Variants in SLIT2 observed in about 807,000 individuals in gnomAD.
SLIT2 encodes slit guidance ligand 2.
Under a neutral mutation model 185.7 loss-of-function variants are expected in SLIT2, and 41 were observed. The ratio of observed to expected loss-of-function variants is 0.22; its 90% CI spans 0.17 to 0.29. The LOEUF (loss-of-function observed/expected upper bound fraction) is 0.29, where lower values mean the gene tolerates loss of function less well. Among genes scored for constraint, SLIT2 ranks in the 10% least tolerant of loss-of-function variants. The pLI, the probability that SLIT2 is intolerant of heterozygous loss-of-function variation, is 1.00. For synonymous variants in SLIT2, 693 were observed against 680.2 expected, an observed-to-expected ratio of 1.02 and a Z score of -0.29; for missense variants, 1,571 against 1,909.0, an observed-to-expected ratio of 0.82 and a Z score of 3.30.
intron 18 of SLIT2, among the ~76,000 whole-genome samples, chr4:20,536,771 C>T (rs1220825891): frequency 7.4e-6 from 1 of 135,284 alleles, no homozygotes; most frequent in Non-Finnish European, 1.7e-5. Flanking sequence ...AATTTTTTTA[C>T]TCTTATATTT....
intron 4 of SLIT2, among the ~76,000 whole-genome samples, chr4:20,417,887 T>C (rs982000897): frequency 6.6e-6 from 1 of 152,198 alleles, no homozygotes; most frequent in African/African-American, 2.4e-5. Flanking sequence ...CACTTCTTCT[T>C]GTGGCCCTTA....
chr4:20,261,319 A>G (rs767315049), intron 3 of SLIT2, among the ~76,000 whole-genome samples: 7 of 151,952 alleles, frequency 4.6e-5, no homozygotes, highest in Non-Finnish European at 1.0e-4. Flanking sequence ...AATAAGCTGC[A>G]GTAAGAATCA....
At chr4:20,543,324 C>T (rs1032318544) in intron 21 of SLIT2, among the ~76,000 whole-genome samples, 12 of 152,076 alleles carry the variant, frequency 7.9e-5, no homozygotes, top group East Asian at 1.9e-4. Context: ...GCACTGCCCA[C>T]GCTCCCTTGG....
intron 4 of SLIT2, among the ~76,000 whole-genome samples, chr4:20,318,145 T>G (rs1357224852): frequency 1.3e-5 from 2 of 152,162 alleles, no homozygotes; most frequent in African/African-American, 2.4e-5. Flanking sequence ...GAAAGCTTTG[T>G]TTCTGCAATA....
At chr4:20,404,333 G>A (rs1726598082) in intron 4 of SLIT2, among the ~76,000 whole-genome samples, 1 of 151,994 alleles carries the variant, frequency 6.6e-6, no homozygotes, top group African/African-American at 2.4e-5. Flanking sequence ...TAGCCTGAGA[G>A]TAGGGGAAGA....
At chr4:20,523,698 A>T (rs972445861) in intron 12 of SLIT2, 62 bp from the exon 13 acceptor site, 11 of 1,463,980 alleles carry the variant, frequency 7.5e-6, no homozygotes, top group Non-Finnish European at 1.0e-5. Context: ...AAAAAGCACA[A>T]AATCTTGCAG....
chr4:20,408,687 A>G (rs1034971133), intron 4 of SLIT2, among the ~76,000 whole-genome samples: 3 of 152,118 alleles, frequency 2.0e-5, no homozygotes, highest in Non-Finnish European at 4.4e-5. Context: ...CCCAGCTTCT[A>G]TCGCTCTAAT....
intron 4 of SLIT2, among the ~76,000 whole-genome samples, chr4:20,293,718 G>C (rs946401995): frequency 1.3e-5 from 2 of 152,122 alleles, no homozygotes; most frequent in Non-Finnish European, 2.9e-5. Flanking sequence ...GAATAAGAAG[G>C]ATAATACACC....
chr4:20,267,426 A>G (rs147876468), intron 3 of SLIT2, among the ~76,000 whole-genome samples: 2 of 151,926 alleles, frequency 1.3e-5, no homozygotes, highest in South Asian at 2.1e-4. Flanking sequence ...TAGATGATCA[A>G]CTTCTTTCTG....
chr4:20,388,540 G>A (rs187900745), intron 4 of SLIT2, among the ~76,000 whole-genome samples: 4 of 152,038 alleles, frequency 2.6e-5, no homozygotes, highest in Non-Finnish European at 4.4e-5. Context: ...TTGGGAGGCC[G>A]AGGCATGTGG....
At chr4:20,290,031 T>C (rs143119174) in intron 4 of SLIT2, among the ~76,000 whole-genome samples, 3 of 152,314 alleles carry the variant, frequency 2.0e-5, no homozygotes, top group African/African-American at 7.2e-5. Flanking sequence ...ACATGCAGAT[T>C]CTTTAGCCTG....
At chr4:20,278,952 C>G (rs1480432324) in intron 4 of SLIT2, among the ~76,000 whole-genome samples, 1 of 152,070 alleles carries the variant, frequency 6.6e-6, no homozygotes, top group Non-Finnish European at 1.5e-5. Context: ...TTCTTTTATA[C>G]TAAGGAAGTC....
intron 30 of SLIT2, among the ~76,000 whole-genome samples, chr4:20,592,617 T>G (rs1320269741): frequency 4.6e-5 from 7 of 152,184 alleles, no homozygotes; most frequent in Non-Finnish European, 1.0e-4. Context: ...GGTGGATGTG[T>G]TGTTCTCTTA....
intron 30 of SLIT2, among the ~76,000 whole-genome samples, chr4:20,595,254 T>C (rs1727880710): frequency 6.6e-6 from 1 of 152,186 alleles, no homozygotes; most frequent in Admixed American, 6.6e-5. Context: ...AAATTAAAAA[T>C]GTTAATCTTT....
At chr4:20,577,227 A>G (rs1395005961) in intron 29 of SLIT2, among the ~76,000 whole-genome samples, 1 of 152,196 alleles carries the variant, frequency 6.6e-6, no homozygotes, top group Non-Finnish European at 1.5e-5. Context: ...ACTAGTTTGT[A>G]AGTAAAGAAA....
At chr4:20,594,265 ATATG>A (rs1005225655) in intron 30 of SLIT2, among the ~76,000 whole-genome samples, 2 of 150,470 alleles carry the variant, frequency 1.3e-5, no homozygotes, top group African/African-American at 2.4e-5. Context: ...ACATACACGC[ATATG>A]TATGTGTGTA....
chr4:20,567,262 G>T lies in SLIT2; in HGVS notation c.2726G>T (p.Gly909Val). 1 of 1,606,178 alleles carries T rather than the reference G, an allele frequency of 6.2e-7. No individual in the cohort carries two copies. Among genetic ancestry groups the T allele is most frequent in the Non-Finnish European group, 8.5e-7 (1 of 1,177,342 alleles). The change falls in exon 27 of 37, where the codon GGT (glycine) becomes GTT (valine). Residue 909 changes from glycine to valine, a missense_variant and splice_region_variant. Coordinates refer to ENST00000504154, the MANE Select transcript of SLIT2 (RefSeq NM_004787.4). ...TTPSKKFTCQ[G>V]PVDVNILAKC... ...CTTATATTTTTGAATTAATTTTCAGGTCCTGTGGATGTCAATATTCTAGCT... is the reference window on the plus strand; with the variant it reads ...CTTATATTTTTGAATTAATTTTCAGTTCCTGTGGATGTCAATATTCTAGCT...
chr4:20,264,714 C>G (rs145934882), intron 3 of SLIT2, among the ~76,000 whole-genome samples: 11 of 151,994 alleles, frequency 7.2e-5, no homozygotes, highest in Non-Finnish European at 1.5e-4. Flanking sequence ...AGATCATTCT[C>G]TCTTCTGAAA....
At chr4:20,535,740 T>C (rs911981839) in intron 18 of SLIT2, among the ~76,000 whole-genome samples, 32 of 152,312 alleles carry the variant, frequency 2.1e-4, no homozygotes, top group African/African-American at 7.7e-4. Context: ...TATCTGCTCA[T>C]AGGGAGAGAG....
Sources: allele counts gnomAD v4.1 joint callset (sites outside exome capture counted in the v4.1 genomes callset), GRCh38; gene constraint gnomAD v4.1.1; transcripts MANE v1.5; gene names NCBI Gene and HGNC (gene_info 2026-07-23, HGNC 2026-07-21).